The following TM9SF3 variants were observed in gnomAD, a reference collection of about 807,000 sequenced individuals.
TM9SF3 encodes the protein transmembrane 9 superfamily member 3.
Under a neutral mutation model 78.6 loss-of-function variants are expected in TM9SF3, and 14 were observed. The ratio of observed to expected loss-of-function variants is 0.18; its 90% CI spans 0.12 to 0.28. TM9SF3 has a LOEUF of 0.28. Ranked by LOEUF, TM9SF3 falls within the 10% of genes least tolerant of loss-of-function variation. The pLI, the probability that TM9SF3 is intolerant of heterozygous loss-of-function variation, is 1.00. For missense variants in TM9SF3, 496 were observed against 721.9 expected (o/e 0.69, Z 3.59); for synonymous variants, 231 against 241.7 (o/e 0.96, Z 0.41).
chr10:96,525,748 A>G (rs1407664415), intron 14 of TM9SF3, among the ~76,000 whole-genome samples: 1 of 152,116 alleles, frequency 6.6e-6, no homozygotes, highest in African/African-American at 2.4e-5. Context: ...CTACAAAGTA[A>G]CCAAGGGATC....
chr10:96,547,075 A>G (rs1848110159), intron 8 of TM9SF3, among the ~76,000 whole-genome samples: 1 of 152,236 alleles, frequency 6.6e-6, no homozygotes, highest in African/African-American at 2.4e-5. Context: ...TTCAGGTAAT[A>G]GTAGTAAAGG....
intron 10 of TM9SF3, among the ~76,000 whole-genome samples, chr10:96,531,167 T>C (rs1420282977): frequency 6.6e-6 from 1 of 152,156 alleles, no homozygotes; most frequent in African/African-American, 2.4e-5. Context: ...CCACAAACAT[T>C]TACTGACTGT....
chr10:96,567,628 C>A (rs934778273), intron 2 of TM9SF3, among the ~76,000 whole-genome samples: 1 of 152,212 alleles, frequency 6.6e-6, no homozygotes, highest in Non-Finnish European at 1.5e-5. Context: ...ACTCCCCACA[C>A]TTCTTATACC....
chr10:96,544,330 C>A, intron 8 of TM9SF3, 124 bp from the exon 9 acceptor site: 1 of 895,398 alleles, frequency 1.1e-6, no homozygotes, highest in Non-Finnish European at 1.6e-6. Flanking sequence ...TAATAGCTAA[C>A]AAATACCAAA....
intron 9 of TM9SF3, among the ~76,000 whole-genome samples, chr10:96,541,466 C>T (rs1848030982): frequency 6.6e-6 from 1 of 152,042 alleles, no homozygotes; most frequent in Non-Finnish European, 1.5e-5. Context: ...ACCTCCGCCT[C>T]CTGGGTTCAA....
rs1365379642 is a variant in TM9SF3, at chr10:96,520,227, T to C, written c.*2036A>G. ...AATATAGGCAACTAAATATTAACTT[T>C]TAGTTTCTTTTTTATAAGATCTTAA... On this transcript the variant is annotated 3_prime_UTR_variant, in exon 15 of 15. Coordinates refer to ENST00000371142, the MANE Select transcript of TM9SF3 (RefSeq NM_020123.4). The C allele has an allele frequency of 6.6e-6, 1 of 151,860 alleles. No homozygotes were observed. The highest frequency in any genetic ancestry group is 1.5e-5 in the Non-Finnish European group (1 of 67,796). The allele number at this position is 151,860 out of a possible 1,614,324, so 9.4% of individuals were successfully genotyped here.
intron 1 of TM9SF3, among the ~76,000 whole-genome samples, chr10:96,582,470 A>G (rs1038929676): frequency 6.6e-6 from 1 of 152,202 alleles, no homozygotes; most frequent in East Asian, 1.9e-4. Flanking sequence ...CTTAGGAGAC[A>G]TAGTAATCTA....
rs1381474524 is a variant in TM9SF3 at position 96,520,495 on chromosome 10, T to C, written c.*1768A>G. On this transcript the variant is annotated 3_prime_UTR_variant, in exon 15 of 15. Transcript: ENST00000371142. ...TAATGAAAACATCTTGTGTAACTAT[T>C]AATTGCATGATTTTCATATTAAGGT... is the stretch of plus-strand genomic sequence containing the variant. 5.8e-6 allele frequency: 1 copy of C among 171,668 alleles called. No homozygotes were observed. The highest frequency in any genetic ancestry group is 1.2e-5 in the Non-Finnish European group (1 of 81,316). 10.6% of individuals were successfully genotyped at this position (171,668 alleles called of 1,614,324 possible).
intron 2 of TM9SF3, among the ~76,000 whole-genome samples, chr10:96,575,803 C>CACCT (rs1848490339): frequency 6.6e-6 from 1 of 150,452 alleles, no homozygotes; most frequent in Admixed American, 6.6e-5. Context: ...AAAACCAAGA[C>CACCT]ACCTAATCAA....
chr10:96,526,597 T>C (rs1434679751), intron 14 of TM9SF3, among the ~76,000 whole-genome samples: 2 of 152,134 alleles, frequency 1.3e-5, no homozygotes, highest in Admixed American at 6.6e-5. Context: ...GATCCATAAA[T>C]AGTGGTTTTA....
intron 14 of TM9SF3, among the ~76,000 whole-genome samples, chr10:96,524,957 A>C (rs1391388011): frequency 6.6e-6 from 1 of 151,990 alleles, no homozygotes; most frequent in Non-Finnish European, 1.5e-5. Flanking sequence ...TAAATGTGCC[A>C]AGGTTTTCAG....
intron 14 of TM9SF3, among the ~76,000 whole-genome samples, chr10:96,522,639 T>C (rs776661339): frequency 3.3e-5 from 5 of 151,906 alleles, no homozygotes; most frequent in African/African-American, 4.8e-5. Context: ...TGGCAAAAGG[T>C]TGTTAAATCA....
At position 96,520,045 on chromosome 10, in the gene TM9SF3, C is replaced by G. The variant is rs890219697; in HGVS notation, c.*2218G>C. The G allele has an allele frequency of 1.3e-5, 2 of 151,852 alleles. No individual in the cohort carries two copies. Among genetic ancestry groups the G allele is most frequent in the African/African-American group, 2.4e-5 (1 of 41,390 alleles). 9.4% of individuals were successfully genotyped at this position (151,852 alleles called of 1,614,324 possible). A position where few individuals can be genotyped will look rare whatever the true frequency, so the allele number is the denominator to read the frequency against. ...TACATCTTACCTGCAAGATTCATATCATGAGAAACAAATTTCATTTTATTA... is the reference window on the plus strand; with the variant it reads ...TACATCTTACCTGCAAGATTCATATGATGAGAAACAAATTTCATTTTATTA... On this transcript the variant is annotated 3_prime_UTR_variant, in exon 15 of 15. Coordinates refer to ENST00000371142, the MANE Select transcript of TM9SF3 (RefSeq NM_020123.4).
intron 7 of TM9SF3, among the ~76,000 whole-genome samples, chr10:96,548,585 G>A (rs867379369): frequency 8.6e-5 from 13 of 151,938 alleles, no homozygotes; most frequent in African/African-American, 3.1e-4. Flanking sequence ...ATCACGTGAG[G>A]TCAGGAGTTT....
Position 96,522,193 on chromosome 10 carries a change from T to C in TM9SF3, c.*70A>G. 7.4e-7 allele frequency: 1 copy of C among 1,344,498 alleles called. No homozygotes were observed. The highest frequency in any genetic ancestry group is 1.0e-6 in the Non-Finnish European group (1 of 962,124). The allele number at this position is 1,344,498 out of a possible 1,614,324, so 83.3% of individuals were successfully genotyped here. On this transcript the variant is annotated 3_prime_UTR_variant, in exon 15 of 15. Transcript: ENST00000371142. ...GCCCAAATCTCTTCTTGCGTTTGTT[T>C]GTTTTTGCTGTGCAAGTTCCACCCC...
At chr10:96,527,626 T>G (rs1847853588) in intron 12 of TM9SF3, 130 bp from the exon 13 acceptor site, 2 of 655,760 alleles carry the variant, frequency 3.0e-6, no homozygotes, top group Non-Finnish European at 2.5e-6. Flanking sequence ...AACAAATGCA[T>G]AGACATGGTA....
chr10:96,529,030 T>A (rs1847868139), intron 11 of TM9SF3, among the ~76,000 whole-genome samples: 1 of 152,136 alleles, frequency 6.6e-6, no homozygotes. Context: ...AGTTATCTAG[T>A]GGAACACAGT....
chr10:96,561,858 A>T, intron 4 of TM9SF3, 120 bp downstream of exon 4: 1 of 818,430 alleles, frequency 1.2e-6, no homozygotes, highest in Non-Finnish European at 1.9e-6. Context: ...ATATAGTTTT[A>T]ATAATATTCT....
intron 1 of TM9SF3, chr10:96,577,483 C>G (rs1848510530): frequency 6.6e-6 from 1 of 152,142 alleles, no homozygotes; most frequent in African/African-American, 2.4e-5. Flanking sequence ...TTATACATGG[C>G]TAAATCTGAA....
Sources: gnomAD v4.1 joint callset for allele counts (sites outside exome capture counted in the v4.1 genomes callset) on GRCh38, gnomAD v4.1.1 for gene constraint, MANE v1.5 for transcripts, NCBI Gene and HGNC (gene_info 2026-07-23, HGNC 2026-07-21) for gene names.